The following SLC16A10 variants were observed in gnomAD, a reference collection of about 807,000 sequenced individuals.
SLC16A10 encodes the protein monocarboxylate transporter 10.
SLC16A10 carries 27 observed loss-of-function variants against 40.0 expected under a neutral mutation model. The observed-to-expected ratio is 0.67, with a 90% CI of 0.50 to 0.93. The LOEUF (loss-of-function observed/expected upper bound fraction) is 0.93. Among genes scored for constraint, SLC16A10 ranks in the 40% least tolerant of loss-of-function variants. The pLI is 0.00. For missense variants in SLC16A10, 529 were observed against 658.2 expected, an observed-to-expected ratio of 0.80 and a Z score of 2.15; for synonymous variants, 213 against 249.8, an observed-to-expected ratio of 0.85 and a Z score of 1.39.
chr6:111,145,105 T>C (rs1772053207), intron 1 of SLC16A10, among the ~76,000 whole-genome samples: 1 of 152,022 alleles, frequency 6.6e-6, no homozygotes, highest in South Asian at 2.1e-4. Flanking sequence ...GTGCTGAAAT[T>C]ACAGGTGTGA....
intron 3 of SLC16A10, among the ~76,000 whole-genome samples, chr6:111,203,353 A>G (rs1258606936): frequency 2.6e-5 from 4 of 152,206 alleles, no homozygotes; most frequent in Non-Finnish European, 4.4e-5. Context: ...TAGTTTGCAG[A>G]TTTTGGTGGG....
rs150986072 is a variant in SLC16A10 at position 111,184,512 on chromosome 6, C to T, written c.942+6847C>T. ...TTTTTTTTTTTTTGAGACTGAGTCTCATTCTGTCGCCCAGGCTGGAGTGCA... is the reference window on the plus strand; with the variant it reads ...TTTTTTTTTTTTTGAGACTGAGTCTTATTCTGTCGCCCAGGCTGGAGTGCA... On this transcript the variant is annotated intron_variant, in intron 3 of 5. Transcript: ENST00000368851. Among the ~76,000 whole-genome samples, 115 of 150,682 alleles carry T rather than the reference C, an allele frequency of 7.6e-4. 1 individual carries two copies. Among genetic ancestry groups the T allele is most frequent in the African/African-American group, 2.7e-3 (112 of 41,064 alleles).
At chr6:111,203,213 C>A (rs1773200502) in intron 3 of SLC16A10, among the ~76,000 whole-genome samples, 1 of 152,154 alleles carries the variant, frequency 6.6e-6, no homozygotes. Context: ...TATAAAACAG[C>A]AGCAGTCATG....
At chr6:111,217,159 C>G (rs1387396670) in intron 4 of SLC16A10, among the ~76,000 whole-genome samples, 2 of 152,220 alleles carry the variant, frequency 1.3e-5, no homozygotes, top group Admixed American at 1.3e-4. Context: ...TGCTGCTGCC[C>G]CCGTGGGCCA....
In SLC16A10 at chr6:111,154,094, G is replaced by A. The variant is rs117715774; in HGVS notation, c.344-18601G>A. ...AATGATAATATTCAGGTTAAGAACA[G>A]TTTATTATTTCCTCTCTATATTGGA... is the stretch of plus-strand genomic sequence containing the variant. On this transcript the variant is annotated intron_variant, in intron 1 of 5. Transcript: ENST00000368851. Among the ~76,000 whole-genome samples, 960 of 152,218 alleles carry A rather than the reference G, an allele frequency of 6.3e-3. 2 individuals carry two copies. Among genetic ancestry groups the A allele is most frequent in the Middle Eastern group, 0.024 (7 of 294 alleles).
chr6:111,121,582 T>C (rs1392073734), intron 1 of SLC16A10, among the ~76,000 whole-genome samples: 1 of 152,176 alleles, frequency 6.6e-6, no homozygotes, highest in Non-Finnish European at 1.5e-5. Context: ...AGAGATTGTA[T>C]TGTGTTTTGA....
intron 1 of SLC16A10, among the ~76,000 whole-genome samples, chr6:111,159,804 A>G (rs1046112102): frequency 5.9e-5 from 9 of 152,162 alleles, no homozygotes; most frequent in African/African-American, 2.2e-4. Context: ...ATCCTCACCA[A>G]CACTTGGTAT....
At chr6:111,179,803 C>T (rs17663218) in intron 3 of SLC16A10, among the ~76,000 whole-genome samples, 14,881 of 152,252 alleles carry the variant, frequency 0.098, 866 homozygotes, top group Non-Finnish European at 0.14. Context: ...TTTCTCATAA[C>T]GGTGCCCGTT....
chr6:111,153,911 A>G (rs898031936), intron 1 of SLC16A10, among the ~76,000 whole-genome samples: 1 of 152,172 alleles, frequency 6.6e-6, no homozygotes, highest in Non-Finnish European at 1.5e-5. Flanking sequence ...CACCACCCAT[A>G]TGGTTTCTGC....
intron 1 of SLC16A10, among the ~76,000 whole-genome samples, chr6:111,096,995 A>T (rs569228835): frequency 6.6e-6 from 1 of 151,536 alleles, no homozygotes; most frequent in African/African-American, 2.4e-5. Flanking sequence ...AATTTTTAAA[A>T]ATTTTTTTGT....
chr6:111,135,364 C>T lies in SLC16A10; in HGVS notation c.344-37331C>T, dbSNP rs867900890. The stretch of plus-strand genomic sequence containing the variant: ...AAAGATTGTTAAGGACCTAAAAGCC[C>T]AAGGCCTAGTAAAAGCATGCAGTAG... On this transcript the variant is annotated intron_variant, in intron 1 of 5. Transcript: ENST00000368851. 2.0e-5 allele frequency among the ~76,000 whole-genome samples: 3 copies of T among 152,174 alleles called. No homozygotes were observed. In the South Asian group the frequency reaches 6.2e-4, roughly 32 times the overall value.
At position 111,226,108 on chromosome 6, in the gene SLC16A10, C is replaced by A. The variant is rs1019375594; in HGVS notation, c.*3873C>A. On this transcript the variant is annotated 3_prime_UTR_variant, in exon 6 of 6. Transcript: ENST00000368851. ...AATATTTAAGGGAAGAAATAAATTT[C>A]ATACAAATTAGTATCTTTTATGCTA... 3.9e-5 allele frequency: 6 copies of A among 152,048 alleles called. No individual in the cohort carries two copies. The highest frequency in any genetic ancestry group is 2.0e-4 in the Admixed American group (3 of 15,272). 9.4% of individuals were successfully genotyped at this position (152,048 alleles called of 1,614,324 possible).
rs570785401 is a variant in SLC16A10 at position 111,098,221 on chromosome 6, G to A, written c.343+10126G>A. On this transcript the variant is annotated intron_variant, in intron 1 of 5. Coordinates refer to ENST00000368851, the MANE Select transcript of SLC16A10 (RefSeq NM_018593.5). ...CTGGGGAAGCTGAGGTAGGAGAATC[G>A]CTTGAACCCGCGAGTTGGAGGTTGC... 5.9e-5 allele frequency among the ~76,000 whole-genome samples: 9 copies of A among 152,164 alleles called. No individual in the cohort carries two copies. In the East Asian group the frequency reaches 1.5e-3, roughly 26 times the overall value.
In SLC16A10 at chr6:111,177,536, T is replaced by C; in HGVS notation, c.813T>C (p.Phe271=). Residue 271 remains phenylalanine (F), a synonymous_variant, in exon 3 of 6, where the codon TTT becomes TTC. Transcript: ENST00000368851. ...KESGGSGSSL[F]SRKKFSPPKK... is the part of the protein sequence containing the mutation. ...GTGGAGGTAGCGGATCCTCCCTCTT[T>C]TCCAGGAAAAAGTTCAGTCCTCCAA... is the stretch of plus-strand genomic sequence containing the variant. 6.2e-7 allele frequency: 1 copy of C among 1,613,470 alleles called. No homozygotes were observed. The highest frequency in any genetic ancestry group is 8.5e-7 in the Non-Finnish European group (1 of 1,179,842).
chr6:111,189,782 TC>T (rs1772959860), intron 3 of SLC16A10, among the ~76,000 whole-genome samples: 1 of 152,052 alleles, frequency 6.6e-6, no homozygotes, highest in Non-Finnish European at 1.5e-5. Flanking sequence ...GAAAAACCTG[TC>T]CCCATGATTT....
rs189996451 is a variant in SLC16A10 at position 111,125,449 on chromosome 6, C to T, written c.343+37354C>T. ...GACACATTTATGGTAAGATATAACACCTTACCATAACGATTAAGGCTCATT... is the reference window on the plus strand; with the variant it reads ...GACACATTTATGGTAAGATATAACATCTTACCATAACGATTAAGGCTCATT... On this transcript the variant is annotated intron_variant, in intron 1 of 5. Transcript: ENST00000368851. Among the ~76,000 whole-genome samples, 390 of 152,168 alleles carry T rather than the reference C, an allele frequency of 2.6e-3. 1 individual carries two copies. The highest frequency in any genetic ancestry group is 8.9e-3 in the African/African-American group (369 of 41,524).
At chr6:111,089,921 T>G (rs1315790718) in intron 1 of SLC16A10, among the ~76,000 whole-genome samples, 1 of 105,204 alleles carries the variant, frequency 9.5e-6, no homozygotes, top group Non-Finnish European at 1.9e-5. Flanking sequence ...TTTTTTTTTT[T>G]TTTTTTTTTT....
At chr6:111,192,320 G>A (rs1433025441) in intron 3 of SLC16A10, among the ~76,000 whole-genome samples, 1 of 152,126 alleles carries the variant, frequency 6.6e-6, no homozygotes, top group African/African-American at 2.4e-5. Flanking sequence ...TATAGCAAGT[G>A]TGACCTTTAC....
At chr6:111,110,873 C>T (rs1771372768) in intron 1 of SLC16A10, among the ~76,000 whole-genome samples, 1 of 152,134 alleles carries the variant, frequency 6.6e-6, no homozygotes, top group African/African-American at 2.4e-5. Context: ...TAGCTTCTCT[C>T]ATATAGTACT....
Sources: gnomAD v4.1 joint callset for allele counts (sites outside exome capture counted in the v4.1 genomes callset) on GRCh38, gnomAD v4.1.1 for gene constraint, MANE v1.5 for transcripts, NCBI Gene and HGNC (gene_info 2026-07-23, HGNC 2026-07-21) for gene names.